FBXW11: variants seen among roughly 807,000 people sequenced by gnomAD.
FBXW11 encodes the protein F-box and WD repeat domain containing 11.
A neutral mutation model predicts 77.6 loss-of-function variants in FBXW11; 19 were observed. The ratio of observed to expected loss-of-function variants is 0.24; its 90% confidence interval spans 0.17 to 0.36. FBXW11 has a LOEUF of 0.36. Ranked by LOEUF, FBXW11 falls within the 10% of genes least tolerant of loss-of-function variation. The pLI is 1.00. For missense variants in FBXW11, 334 were observed against 704.2 expected, an observed-to-expected ratio of 0.47 and a Z score of 5.95; for synonymous variants, 235 against 249.4, an observed-to-expected ratio of 0.94 and a Z score of 0.54.
Position 171,863,142 on chromosome 5 carries a change from AACACACACAAACC to A in FBXW11, c.*972_*984del, listed in dbSNP as rs1271868588. 17 of 152,772 alleles carry A rather than the reference AACACACACAAACC, an allele frequency of 1.1e-4. No homozygotes were observed. The East Asian group carries it at 3.3e-3, about 30-fold the overall frequency. 9.5% of individuals were successfully genotyped at this position (152,772 alleles called of 1,614,324 possible). A position where few individuals can be genotyped will look rare whatever the true frequency, so the allele number is the denominator to read the frequency against. The stretch of plus-strand genomic sequence containing the variant: ...ATTTTAAAACAAGATTCTCATTAAA[AACACACACAAACC>A]ACACACACGCAATGACAACAACAAA... On this transcript the variant is annotated 3_prime_UTR_variant, in exon 14 of 14. Coordinates refer to ENST00000517395, the MANE Select transcript of FBXW11 (RefSeq NM_001378974.1).
chr5:171,995,455 T>A (rs547098339), intron 1 of FBXW11, among the ~76,000 whole-genome samples: 1 of 152,216 alleles, frequency 6.6e-6, no homozygotes, highest in South Asian at 2.1e-4. Context: ...CGCGGTGGCA[T>A]TTAATCACAT....
Position 171,910,596 on chromosome 5 carries a change from G to A in FBXW11, c.412C>T (p.Arg138Trp). The A allele has an allele frequency of 6.2e-7, 1 of 1,613,086 alleles. No individual in the cohort carries two copies. ...INSYLKPMLQ[R>W]DFITALPEQG... ...CCTGGTAAAGCGGTAATAAAGTCCC[G>A]CTGCAACATGGGCTTCAGGTAAGAG... is the stretch of plus-strand genomic sequence containing the variant. The change falls in exon 4 of 14, where the codon CGG (arginine) becomes TGG (tryptophan). Residue 138 changes from arginine (R) to tryptophan (W), a missense_variant. Arg to Trp is a moderately radical substitution (Grantham distance 101). Transcript: ENST00000517395.
chr5:171,947,326 G>A (rs937788809), intron 2 of FBXW11, among the ~76,000 whole-genome samples: 9 of 151,882 alleles, frequency 5.9e-5, no homozygotes, highest in African/African-American at 2.2e-4. Context: ...TTCTACATTG[G>A]GCATTTATTT....
At chr5:171,999,710 A>T (rs562045707) in intron 1 of FBXW11, among the ~76,000 whole-genome samples, 1 of 152,324 alleles carries the variant, frequency 6.6e-6, no homozygotes, top group Admixed American at 6.5e-5. Flanking sequence ...ACAATAGTAG[A>T]ACCTCAGTCT....
chr5:171,919,266 C>T (rs749097145), intron 2 of FBXW11, among the ~76,000 whole-genome samples: 28 of 152,142 alleles, frequency 1.8e-4, no homozygotes, highest in Non-Finnish European at 2.8e-4. Flanking sequence ...CCTAGGCATA[C>T]GTTTTCCTTT....
intron 6 of FBXW11, among the ~76,000 whole-genome samples, chr5:171,893,303 G>C (rs1378493432): frequency 6.6e-6 from 1 of 151,344 alleles, no homozygotes; most frequent in Non-Finnish European, 1.5e-5. Context: ...CCATGGAGAT[G>C]CCAGGAGAGG....
At position 171,869,734 on chromosome 5, in the gene FBXW11, A is replaced by G; in HGVS notation, c.1525T>C (p.Leu509=). 1 of 1,608,098 alleles carries G rather than the reference A, an allele frequency of 6.2e-7. No individual in the cohort carries two copies. Among genetic ancestry groups the G allele is most frequent in the African/African-American group, 1.3e-5 (1 of 74,736 alleles). ...CGTCTCAAGAGATCACATACCACCAATGTGCGCAAACACAATGTGCTTGCT... is the reference window on the plus strand; with the variant it reads ...CGTCTCAAGAGATCACATACCACCAGTGTGCGCAAACACAATGTGCTTGCT... The part of the protein sequence containing the change: ...APASTLCLRT[L]VEHSGRVFRL... The change falls in exon 12 of 14, where the codon TTG becomes CTG. Residue 509 remains leucine, a synonymous_variant. Transcript: ENST00000517395. The surrounding 1 kb of genome is among the most constrained non-coding windows in gnomAD (Gnocchi z 4.1).
chr5:171,910,730 T>C lies in FBXW11; in HGVS notation c.278A>G (p.Glu93Gly). 1 of 1,613,918 alleles carries C rather than the reference T, an allele frequency of 6.2e-7. No homozygotes were observed. The highest frequency in any genetic ancestry group is 8.5e-7 in the Non-Finnish European group (1 of 1,179,920). The change falls in exon 4 of 14, where the codon GAA (glutamate) becomes GGA (glycine). Residue 93 changes from glutamate to glycine, a missense_variant. Physicochemically the swap from Glu to Gly is moderately conservative, Grantham distance 98 (BLOSUM62 -2). Around this residue, in one of 10 missense-constraint regions of FBXW11, gnomAD observed 56 missense variants for 144.9 expected, o/e 0.39. Coordinates refer to ENST00000517395, the MANE Select transcript of FBXW11 (RefSeq NM_001378974.1). ...AAAATATTTAATACACAAGTCTTTT[T>C]CTTTTTGATAGTTTCCTTCTGATGG... is the stretch of plus-strand genomic sequence containing the variant. ...KRPSEGNYQK[E>G]KDLCIKYFDQ...
chr5:171,906,119 C>A (rs1760499383), intron 4 of FBXW11, among the ~76,000 whole-genome samples: 1 of 152,206 alleles, frequency 6.6e-6, no homozygotes, highest in Non-Finnish European at 1.5e-5. Flanking sequence ...TTGACTACAA[C>A]CAGTTTTAAC....
chr5:171,927,759 T>C (rs1461472019), intron 2 of FBXW11, among the ~76,000 whole-genome samples: 2 of 152,208 alleles, frequency 1.3e-5, no homozygotes, highest in Non-Finnish European at 2.9e-5. Flanking sequence ...GTAACAAACA[T>C]TACATTTTTT....
At chr5:171,908,051 G>A (rs1760644560) in intron 4 of FBXW11, among the ~76,000 whole-genome samples, 1 of 152,014 alleles carries the variant, frequency 6.6e-6, no homozygotes, top group Non-Finnish European at 1.5e-5. Context: ...AAAAATGAAG[G>A]CATCCTCTCA....
At chr5:171,865,964 A>AT (rs1290793255) in intron 13 of FBXW11, among the ~76,000 whole-genome samples, 2 of 152,204 alleles carry the variant, frequency 1.3e-5, no homozygotes, top group Non-Finnish European at 2.9e-5. Context: ...TCATGTTACA[A>AT]TAAATGAAAA....
chr5:171,942,597 TA>T (rs1762807031), intron 2 of FBXW11, among the ~76,000 whole-genome samples: 1 of 152,098 alleles, frequency 6.6e-6, no homozygotes, highest in African/African-American at 2.4e-5. Context: ...CCCAGGAGTT[TA>T]AGACCAGCCT....
At position 171,880,766 on chromosome 5, in the gene FBXW11, G is replaced by A. The variant is rs187846997; in HGVS notation, c.853-2637C>T. Among the ~76,000 whole-genome samples, 1,017 of 152,140 alleles carry A rather than the reference G, an allele frequency of 6.7e-3. 13 individuals carry two copies. The highest frequency in any genetic ancestry group is 0.024 in the African/African-American group (980 of 41,496). ...GGCTGGAGTGCAATGGCGCGATCTC[G>A]GCTCACTGCAACCTCCGCCTCCCAA... On this transcript the variant is annotated intron_variant, in intron 7 of 13. Coordinates refer to ENST00000517395, the MANE Select transcript of FBXW11 (RefSeq NM_001378974.1).
At chr5:171,905,594 C>CCT (rs1760443898) in intron 4 of FBXW11, among the ~76,000 whole-genome samples, 2 of 101,212 alleles carry the variant, frequency 2.0e-5, no homozygotes. Context: ...AGCTAACCCC[C>CCT]CCCCCTTTAT....
At chr5:171,870,696 C>T in intron 11 of FBXW11, 52 bp downstream of exon 11, 6 of 1,373,168 alleles carry the variant, frequency 4.4e-6, no homozygotes, top group Non-Finnish European at 6.2e-6. Context: ...TAACATTTCT[C>T]TTTCTTCTTG....
chr5:171,913,828 C>CACACAT (rs1761046993), intron 3 of FBXW11, among the ~76,000 whole-genome samples: 1 of 117,968 alleles, frequency 8.5e-6, no homozygotes, highest in Non-Finnish European at 1.7e-5. Context: ...TACACACACA[C>CACACAT]ACACACACAC....
rs1374119534 is a variant in FBXW11 at position 171,913,807 on chromosome 5, CCACACACACATA to C, written c.210+524_210+535del. Reference sequence around the variant, plus strand: ...CTTTGCTTGCTCCCCAAACCCCCAACCACACACACATACACACACACACACACACACACACAC... The same window carrying C: ...CTTTGCTTGCTCCCCAAACCCCCAACCACACACACACACACACACACACAC... On this transcript the variant is annotated intron_variant, in intron 3 of 13. Transcript: ENST00000517395. Among the ~76,000 whole-genome samples the C allele has an allele frequency of 5.7e-3, 554 of 97,870 alleles. 9 individuals carry two copies. The highest frequency in any genetic ancestry group is 9.0e-3 in the Admixed American group (79 of 8,732). 64.2% of individuals were successfully genotyped at this position (97,870 alleles called of 152,430 possible). A position where few individuals can be genotyped will look rare whatever the true frequency, so the allele number is the denominator to read the frequency against.
chr5:171,977,367 C>A (rs182128819), intron 1 of FBXW11, among the ~76,000 whole-genome samples: 2 of 151,372 alleles, frequency 1.3e-5, no homozygotes, highest in East Asian at 1.9e-4. Flanking sequence ...AGAAAGAAAT[C>A]TCTGTTCTTT....
Sources: allele counts gnomAD v4.1 joint callset (sites outside exome capture counted in the v4.1 genomes callset), GRCh38; gene constraint gnomAD v4.1.1; regional missense constraint gnomAD v4.1.1; non-coding constraint Gnocchi (gnomAD v3.1); transcripts MANE v1.5; gene names NCBI Gene and HGNC (gene_info 2026-07-23, HGNC 2026-07-21).